Variants in CRACR2A observed in about 807,000 individuals in gnomAD.
The protein encoded by CRACR2A is calcium release activated channel regulator 2A, also known as EF-hand calcium-binding domain-containing protein 4B.
In CRACR2A, 79 loss-of-function variants were observed where a neutral mutation model predicts 90.5. That is an observed-to-expected ratio of 0.87 (90% CI 0.73 to 1.05). The LOEUF (loss-of-function observed/expected upper bound fraction) is 1.05. Ranked by LOEUF, CRACR2A falls within the 50% of genes least tolerant of loss-of-function variation. The pLI is 0.00. For synonymous variants in CRACR2A, 338 were observed against 356.7 expected (o/e 0.95, Z 0.59); for missense variants, 823 against 897.2 (o/e 0.92, Z 1.06).
At chr12:3,750,232 GCCC>G (rs67547745) in intron 1 of CRACR2A, among the ~76,000 whole-genome samples, 12,044 of 152,124 alleles carry the variant, frequency 0.079, 632 homozygotes, top group African/African-American at 0.15. Flanking sequence ...ACCAAGCCTG[GCCC>G]CCAGGGCTAT....
At chr12:3,625,490 G>A (rs960402854) in intron 17 of CRACR2A, among the ~76,000 whole-genome samples, 1 of 151,138 alleles carries the variant, frequency 6.6e-6, no homozygotes, top group Non-Finnish European at 1.5e-5. Context: ...CAGACCACCT[G>A]GAGGCTTAGC....
intron 7 of CRACR2A, among the ~76,000 whole-genome samples, chr12:3,668,576 CTG>C (rs1459445408): frequency 1.3e-5 from 2 of 152,194 alleles, no homozygotes; most frequent in Non-Finnish European, 2.9e-5. Flanking sequence ...GCTTTATTTG[CTG>C]CCCTATCTGG....
At chr12:3,744,838 CT>C (rs1946585189) in intron 1 of CRACR2A, among the ~76,000 whole-genome samples, 1 of 152,152 alleles carries the variant, frequency 6.6e-6, no homozygotes, top group African/African-American at 2.4e-5. Flanking sequence ...AAAACCAAAC[CT>C]TCTCCAACCC....
chr12:3,697,383 C>T (rs1395753012), intron 3 of CRACR2A, among the ~76,000 whole-genome samples: 1 of 152,186 alleles, frequency 6.6e-6, no homozygotes, highest in East Asian at 1.9e-4. Context: ...ATTTATAGAG[C>T]GTTTACTTAG....
chr12:3,638,767 G>A (rs1350746504), intron 13 of CRACR2A, among the ~76,000 whole-genome samples: 1 of 152,128 alleles, frequency 6.6e-6, no homozygotes, highest in Admixed American at 6.5e-5. Flanking sequence ...TGATTTAGTG[G>A]GGGACTAAAG....
At chr12:3,710,520 C>T (rs113281904) in intron 3 of CRACR2A, among the ~76,000 whole-genome samples, 5 of 152,028 alleles carry the variant, frequency 3.3e-5, no homozygotes, top group African/African-American at 7.2e-5. Context: ...GTTGGCCGGG[C>T]GCAGTGGCTC....
intron 5 of CRACR2A, 32 bp downstream of exon 5, chr12:3,680,206 C>A (rs1223454918): frequency 6.3e-7 from 1 of 1,575,990 alleles, no homozygotes; most frequent in Admixed American, 1.7e-5. Flanking sequence ...AGACCCATAA[C>A]CCTGAGGTCC....
chr12:3,737,777 A>T (rs539408098), intron 1 of CRACR2A, among the ~76,000 whole-genome samples: 1 of 152,360 alleles, frequency 6.6e-6, no homozygotes, highest in African/African-American at 2.4e-5. Flanking sequence ...CCACAAGGCC[A>T]CTGGGATGGA....
intron 4 of CRACR2A, among the ~76,000 whole-genome samples, chr12:3,685,347 T>C (rs2137642667): frequency 6.6e-6 from 1 of 152,344 alleles, no homozygotes; most frequent in East Asian, 1.9e-4. Context: ...ATTTACAAAA[T>C]AGAATTATCC....
chr12:3,644,854 C>A (rs1944657106), intron 11 of CRACR2A, among the ~76,000 whole-genome samples: 1 of 152,114 alleles, frequency 6.6e-6, no homozygotes. Flanking sequence ...AGACTGAATG[C>A]CCTTGAGACA....
intron 4 of CRACR2A, among the ~76,000 whole-genome samples, chr12:3,686,713 A>G (rs1249989720): frequency 6.6e-6 from 1 of 152,090 alleles, no homozygotes; most frequent in Non-Finnish European, 1.5e-5. Flanking sequence ...TAACCCTGCA[A>G]AGCAACATCT....
At chr12:3,648,197 T>A in intron 11 of CRACR2A, 1 of 1,135,532 alleles carries the variant, frequency 8.8e-7, no homozygotes, top group Non-Finnish European at 1.1e-6. Flanking sequence ...TTGCTGACAA[T>A]GAACGAGATA....
chr12:3,654,467 C>T lies in CRACR2A; in HGVS notation c.859-68G>A, dbSNP rs1015663436. 1.6e-5 allele frequency: 24 copies of T among 1,474,498 alleles called. No homozygotes were observed. The Admixed American group carries it at 2.9e-4, about 18-fold the overall frequency. The allele number at this position is 1,474,498 out of a possible 1,614,324, so 91.3% of individuals were successfully genotyped here. On this transcript the variant is annotated intron_variant, in intron 9 of 19. Transcript: ENST00000440314. ...CATTTTCAGGAGGGCCTGCCCTGGC[C>T]TCACCTTGTTTTCTCTGCTTGGCAG...
rs1232002081 is a variant in CRACR2A at position 3,633,877 on chromosome 12, C to T, written c.1603-141G>A. On this transcript the variant is annotated intron_variant, in intron 14 of 19. Coordinates refer to ENST00000440314, the MANE Select transcript of CRACR2A (RefSeq NM_001144958.2). The surrounding 1 kb of genome is among the most constrained non-coding windows in gnomAD (Gnocchi z 4.5). ...CTCTAGACCTGCACCAGGAGGCTGC[C>T]ACAGCCTCAGAATGCAGTGAGCATA... 34 of 1,157,778 alleles carry T rather than the reference C, an allele frequency of 2.9e-5. No individual in the cohort carries two copies. In the Admixed American group the frequency reaches 8.1e-4, roughly 28 times the overall value. The allele number at this position is 1,157,778 out of a possible 1,614,324, so 71.7% of individuals were successfully genotyped here. A position where few individuals can be genotyped will look rare whatever the true frequency, so the allele number is the denominator to read the frequency against.
chr12:3,660,623 G>T (rs1171088922), intron 7 of CRACR2A, among the ~76,000 whole-genome samples: 1 of 152,042 alleles, frequency 6.6e-6, no homozygotes, highest in African/African-American at 2.4e-5. Context: ...GAAAGATCTG[G>T]TAGTAGCATT....
chr12:3,707,157 G>T (rs1327858465), intron 3 of CRACR2A, among the ~76,000 whole-genome samples: 2 of 151,994 alleles, frequency 1.3e-5, no homozygotes. Context: ...GTGGATGGAG[G>T]TGCATTTGAC....
intron 7 of CRACR2A, among the ~76,000 whole-genome samples, chr12:3,668,192 G>A (rs1443090365): frequency 6.6e-6 from 1 of 152,030 alleles, no homozygotes; most frequent in Non-Finnish European, 1.5e-5. Context: ...TCACAACCTC[G>A]TCACCTAGAG....
chr12:3,665,262 TGATAGCTGGGTA>T (rs1460684098), intron 7 of CRACR2A, among the ~76,000 whole-genome samples: 3 of 152,216 alleles, frequency 2.0e-5, no homozygotes, highest in Admixed American at 6.5e-5. Context: ...TCTTTCCCCA[TGATAGCTGGGTA>T]GTTCTTCTGG....
chr12:3,714,261 A>T (rs1049886813), intron 2 of CRACR2A, among the ~76,000 whole-genome samples: 4 of 152,254 alleles, frequency 2.6e-5, no homozygotes, highest in Non-Finnish European at 4.4e-5. Flanking sequence ...AAATCCAGCA[A>T]GGTATTGTCC....
Sources: allele counts gnomAD v4.1 joint callset (sites outside exome capture counted in the v4.1 genomes callset), GRCh38; gene constraint gnomAD v4.1.1; non-coding constraint Gnocchi (gnomAD v3.1); transcripts MANE v1.5; gene names NCBI Gene and HGNC (gene_info 2026-07-23, HGNC 2026-07-21).